The following CRMP1 variants were observed in gnomAD, a reference collection of about 807,000 sequenced individuals.
The protein encoded by CRMP1 is dihydropyrimidinase-related protein 1.
CRMP1 carries 19 observed loss-of-function variants against 68.3 expected under a neutral mutation model. The ratio of observed to expected loss-of-function variants is 0.28; its 90% confidence interval spans 0.19 to 0.41. The LOEUF (loss-of-function observed/expected upper bound fraction) is 0.41, where lower values mean the gene tolerates loss of function less well. CRMP1 is among the 10% of genes least tolerant of loss of function. The probability of loss-of-function intolerance (pLI) is 1.00; values close to 1 mark genes in which losing one functional copy is unlikely to be tolerated. For missense variants in CRMP1, 791 were observed against 967.4 expected (o/e 0.82, Z 2.42); for synonymous variants, 439 against 399.6 (o/e 1.10, Z -1.18).
rs1714358539 is a variant in CRMP1, at chr4:5,870,436, T to C, written c.382-3680A>G. 6.6e-6 allele frequency among the ~76,000 whole-genome samples: 1 copy of C among 152,082 alleles called. No homozygotes were observed. Among genetic ancestry groups the C allele is most frequent in the South Asian group, 2.1e-4 (1 of 4,824 alleles). On this transcript the variant is annotated intron_variant, in intron 1 of 13. Transcript: ENST00000324989. This position sits in a 1 kb window ranked among gnomAD's most constrained non-coding sequence, Gnocchi z 6.0. ...CCCCAGGGGACGCATGACACAGGCG[T>C]TGGTGGGGACGGCACTGCCTGGAGT...
At chr4:5,874,639 G>A (rs965939599) in intron 1 of CRMP1, among the ~76,000 whole-genome samples, 3 of 152,044 alleles carry the variant, frequency 2.0e-5, no homozygotes, top group Non-Finnish European at 4.4e-5. Context: ...CAGACAAGAG[G>A]CAAGGAGAGA....
intron 13 of CRMP1, chr4:5,824,803 G>A: frequency 1.0e-6 from 1 of 985,370 alleles, no homozygotes; most frequent in Middle Eastern, 5.2e-4. Flanking sequence ...GAGTTTGCAG[G>A]ACAAAATTCC....
chr4:5,853,496 T>C lies in CRMP1; in HGVS notation c.821-2027A>G, dbSNP rs1162404553. On this transcript the variant is annotated intron_variant, in intron 4 of 13. Coordinates refer to ENST00000324989, the MANE Select transcript of CRMP1 (RefSeq NM_001014809.3). The surrounding 1 kb of genome is among the most constrained non-coding windows in gnomAD (Gnocchi z 4.7). ...TTCCTGAGCACCGTTTGTGGGAATGTAAATTAGCACAGCCACCTCTATGGG... is the reference window on the plus strand; with the variant it reads ...TTCCTGAGCACCGTTTGTGGGAATGCAAATTAGCACAGCCACCTCTATGGG... 1.3e-5 allele frequency among the ~76,000 whole-genome samples: 2 copies of C among 152,140 alleles called. No individual in the cohort carries two copies. The highest frequency in any genetic ancestry group is 2.9e-5 in the Non-Finnish European group (2 of 68,022).
At chr4:5,839,823 C>A in intron 8 of CRMP1, 145 bp from the exon 9 acceptor site, 1 of 984,176 alleles carries the variant, frequency 1.0e-6, no homozygotes, top group South Asian at 1.7e-5. Context: ...GGCATCACCG[C>A]CTGCACCGCA....
Position 5,889,908 on chromosome 4 carries a change from G to C in CRMP1, c.381+2681C>G. On this transcript the variant is annotated intron_variant, in intron 1 of 13. Transcript: ENST00000324989. This position sits in a 1 kb window ranked among gnomAD's most constrained non-coding sequence, Gnocchi z 4.5. ...CCAGCTCAGTATCCCAGGAACACTAGGCATAATTTTCCCATTTTACAGACA... is the reference window on the plus strand; with the variant it reads ...CCAGCTCAGTATCCCAGGAACACTACGCATAATTTTCCCATTTTACAGACA... The C allele has an allele frequency of 7.2e-7, 1 of 1,396,322 alleles. No homozygotes were observed. Among genetic ancestry groups the C allele is most frequent in the Non-Finnish European group, 9.3e-7 (1 of 1,075,698 alleles). 86.5% of individuals were successfully genotyped at this position (1,396,322 alleles called of 1,614,324 possible). A position where few individuals can be genotyped will look rare whatever the true frequency, so the allele number is the denominator to read the frequency against.
rs917340557 is a variant in CRMP1, at chr4:5,872,347, G to A, written c.382-5591C>T. ...GCCTCTCACGGGGTTACTGTGAGGG[G>A]AAAACAGCAGATGTGAACAATGGTA... On this transcript the variant is annotated intron_variant, in intron 1 of 13. Transcript: ENST00000324989. The surrounding 1 kb of genome is among the most constrained non-coding windows in gnomAD (Gnocchi z 4.6). Among the ~76,000 whole-genome samples the A allele has an allele frequency of 6.6e-6, 1 of 152,206 alleles. No individual in the cohort carries two copies. The highest frequency in any genetic ancestry group is 1.5e-5 in the Non-Finnish European group (1 of 68,050).
chr4:5,835,794 T>G (rs1405300277), intron 11 of CRMP1, 121 bp downstream of exon 11: 19 of 1,170,628 alleles, frequency 1.6e-5, no homozygotes, highest in Non-Finnish European at 2.0e-5. Flanking sequence ...AATGACTGAG[T>G]CAGGCTAGAT....
intron 2 of CRMP1, among the ~76,000 whole-genome samples, chr4:5,862,665 G>A (rs942817414): frequency 6.6e-6 from 1 of 152,212 alleles, no homozygotes; most frequent in African/African-American, 2.4e-5. Context: ...AGGCAGAAGG[G>A]CCGCTGGCTG....
chr4:5,875,337 C>T (rs537472987), intron 1 of CRMP1, among the ~76,000 whole-genome samples: 1 of 150,082 alleles, frequency 6.7e-6, no homozygotes, highest in South Asian at 2.1e-4. Context: ...ATAAATCTGT[C>T]ATCTCCACCA....
chr4:5,868,617 C>G (rs1714218058), intron 1 of CRMP1, among the ~76,000 whole-genome samples: 1 of 151,974 alleles, frequency 6.6e-6, no homozygotes, highest in African/African-American at 2.4e-5. Flanking sequence ...CATGACTATA[C>G]TTTTAAAATA....
chr4:5,874,863 G>T (rs1041209572), intron 1 of CRMP1, among the ~76,000 whole-genome samples: 1 of 152,190 alleles, frequency 6.6e-6, no homozygotes, highest in East Asian at 1.9e-4. Context: ...AACCCCACTA[G>T]CTGAGAGAGA....
At position 5,825,787 on chromosome 4, in the gene CRMP1, CA is replaced by C; in HGVS notation, c.1804-129del. The C allele has an allele frequency of 2.4e-6, 2 of 833,446 alleles. No homozygotes were observed. The highest frequency in any genetic ancestry group is 1.9e-6 in the Non-Finnish European group (1 of 530,422). 51.6% of individuals were successfully genotyped at this position (833,446 alleles called of 1,614,324 possible). On this transcript the variant is annotated intron_variant, in intron 12 of 13. Transcript: ENST00000324989. This position sits in a 1 kb window ranked among gnomAD's most constrained non-coding sequence, Gnocchi z 4.4. The stretch of plus-strand genomic sequence containing the variant: ...CTTCAAATGTGCATGCACACACACA[CA>C]CAACACGCACACACGACAGGTGCAC...
rs1243675916 is a variant in CRMP1, at chr4:5,876,152, C to CAA, written c.382-9398_382-9397dup. ...TGGGTGACAGAGTGAGACTCCATCT[C>CAA]AAAAAAAAAAAAAAGTTTTGTTTCA... On this transcript the variant is annotated intron_variant, in intron 1 of 13. Transcript: ENST00000324989. 2.3e-3 allele frequency among the ~76,000 whole-genome samples: 304 copies of CAA among 134,474 alleles called. 2 individuals carry two copies. Among genetic ancestry groups the CAA allele is most frequent in the African/African-American group, 7.4e-3 (280 of 37,718 alleles). The allele number at this position is 134,474 out of a possible 152,430, so 88.2% of individuals were successfully genotyped here.
At chr4:5,857,670 G>A (rs1329030895) in intron 3 of CRMP1, among the ~76,000 whole-genome samples, 1 of 152,034 alleles carries the variant, frequency 6.6e-6, no homozygotes, top group South Asian at 2.1e-4. Context: ...GCTCAAAGAG[G>A]GTAAAGCAAT....
In CRMP1 at chr4:5,854,763, AG is replaced by A. The variant is rs1417479453; in HGVS notation, c.820+1379del. ...ATAATGCCCAATGGTGCAAAGGTGC[AG>A]GGACTAGAGATTCTGGCATAGGATT... is the stretch of plus-strand genomic sequence containing the variant. On this transcript the variant is annotated intron_variant, in intron 4 of 13. Transcript: ENST00000324989. The surrounding 1 kb of genome is among the most constrained non-coding windows in gnomAD (Gnocchi z 4.0). Among the ~76,000 whole-genome samples, 1 of 152,210 alleles carries A rather than the reference AG, an allele frequency of 6.6e-6. No homozygotes were observed. The highest frequency in any genetic ancestry group is 1.5e-5 in the Non-Finnish European group (1 of 68,026).
rs376584229 is a variant in CRMP1, at chr4:5,883,931, TA to T, written c.381+8657del. 3.0e-3 allele frequency among the ~76,000 whole-genome samples: 462 copies of T among 152,358 alleles called. 3 individuals are homozygous for T. Among genetic ancestry groups the T allele is most frequent in the Admixed American group, 9.4e-3 (144 of 15,304 alleles). ...TTTTATGTCCCCTCTGAGACATTTT[TA>T]AGAATTTGATTTAAACAAAATAATG... On this transcript the variant is annotated intron_variant, in intron 1 of 13. Coordinates refer to ENST00000324989, the MANE Select transcript of CRMP1 (RefSeq NM_001014809.3). This position sits in a 1 kb window ranked among gnomAD's most constrained non-coding sequence, Gnocchi z 4.5.
chr4:5,833,906 C>T (rs192464954), intron 11 of CRMP1, among the ~76,000 whole-genome samples: 98 of 152,246 alleles, frequency 6.4e-4, no homozygotes, highest in Non-Finnish European at 1.2e-3. Context: ...ATTAGCCGGG[C>T]GTGGTGGCAG....
In CRMP1 at chr4:5,883,182, T is replaced by G. The variant is rs1471508415; in HGVS notation, c.381+9407A>C. ...TTGCTTCTGCCAGGGCTGAGTCATC[T>G]CTTCTCTGAATTCCTCTGACACCTG... On this transcript the variant is annotated intron_variant, in intron 1 of 13. Transcript: ENST00000324989. This position sits in a 1 kb window ranked among gnomAD's most constrained non-coding sequence, Gnocchi z 4.5. Among the ~76,000 whole-genome samples the G allele has an allele frequency of 6.6e-6, 1 of 152,156 alleles. No individual in the cohort carries two copies. Among genetic ancestry groups the G allele is most frequent in the Non-Finnish European group, 1.5e-5 (1 of 68,030 alleles).
chr4:5,828,360 C>T (rs1372408098), intron 12 of CRMP1, 129 bp downstream of exon 12: 1 of 1,440,786 alleles, frequency 6.9e-7, no homozygotes, highest in South Asian at 1.5e-5. Flanking sequence ...ACCCATTTAA[C>T]AGATAAGGAA....
Sources: gnomAD v4.1 joint callset for allele counts (sites outside exome capture counted in the v4.1 genomes callset) on GRCh38, gnomAD v4.1.1 for gene constraint, Gnocchi (gnomAD v3.1) non-coding constraint, MANE v1.5 for transcripts, NCBI Gene and HGNC (gene_info 2026-07-23, HGNC 2026-07-21) for gene names.